Variants in FNIP1 observed in about 807,000 individuals in gnomAD.
FNIP1 encodes the protein folliculin-interacting protein 1.
A neutral mutation model predicts 124.5 loss-of-function variants in FNIP1; 40 were observed. The ratio of observed to expected loss-of-function variants is 0.32; its 90% confidence interval spans 0.25 to 0.42. The LOEUF is 0.42. Ranked by LOEUF, FNIP1 falls within the 10% of genes least tolerant of loss-of-function variation. FNIP1 has a pLI of 1.00. For missense variants in FNIP1, 1,176 were observed against 1,403.7 expected (o/e 0.84, Z 2.59); for synonymous variants, 472 against 470.6 (o/e 1.00, Z -0.04).
At chr5:131,698,846 G>A in intron 11 of FNIP1, 71 bp downstream of exon 11, 1 of 1,325,196 alleles carries the variant, frequency 7.5e-7, no homozygotes, top group Non-Finnish European at 1.0e-6. Flanking sequence ...ATTAGAACAA[G>A]TTAAAGAAAA....
intron 1 of FNIP1, among the ~76,000 whole-genome samples, chr5:131,790,770 A>C: frequency 6.6e-6 from 1 of 152,210 alleles, no homozygotes; most frequent in East Asian, 1.9e-4. Context: ...AGGAAGTAGT[A>C]ATTAGAATAA....
Position 131,796,811 on chromosome 5 carries a change from C to A in FNIP1, c.92+19G>T. 6.4e-7 allele frequency: 1 copy of A among 1,562,008 alleles called. No homozygotes were observed. The highest frequency in any genetic ancestry group is 2.4e-5 in the East Asian group (1 of 42,098). The stretch of plus-strand genomic sequence containing the variant: ...CACAAGGCCATCGGCTCCGCGACCC[C>A]CGCCCCACAGCGCCCTACCTGAACC... On this transcript the variant is annotated intron_variant, in intron 1 of 17. Transcript: ENST00000510461.
At position 131,706,015 on chromosome 5, in the gene FNIP1, G is replaced by C. The variant is rs748162451; in HGVS notation, c.914+396C>G. Among the ~76,000 whole-genome samples, 70 of 152,124 alleles carry C rather than the reference G, an allele frequency of 4.6e-4. 1 individual carries two copies. The highest frequency in any genetic ancestry group is 2.0e-4 in the Admixed American group (3 of 15,274). ...AGACACAAAAGGACAAGCAGTGTAT[G>C]ATTTCATTCATACAAGGTATGAATG... On this transcript the variant is annotated intron_variant, in intron 9 of 17. Coordinates refer to ENST00000510461, the MANE Select transcript of FNIP1 (RefSeq NM_133372.3).
intron 16 of FNIP1, among the ~76,000 whole-genome samples, chr5:131,648,282 T>G (rs1316036535): frequency 6.6e-6 from 1 of 150,468 alleles, no homozygotes; most frequent in African/African-American, 2.4e-5. Flanking sequence ...TGATTACTAC[T>G]GCAATTCAGC....
chr5:131,647,599 G>A (rs1580723642), intron 16 of FNIP1, among the ~76,000 whole-genome samples: 1 of 151,996 alleles, frequency 6.6e-6, no homozygotes, highest in East Asian at 1.9e-4. Flanking sequence ...TCAGTCTCCT[G>A]AGTAGCTGGG....
intron 17 of FNIP1, among the ~76,000 whole-genome samples, chr5:131,645,513 A>G (rs1402505424): frequency 6.6e-6 from 1 of 152,002 alleles, no homozygotes; most frequent in African/African-American, 2.4e-5. Context: ...ATAAAATCAG[A>G]TACCATTTTT....
At chr5:131,721,620 A>G (rs970220866) in intron 3 of FNIP1, among the ~76,000 whole-genome samples, 2 of 152,160 alleles carry the variant, frequency 1.3e-5, no homozygotes, top group African/African-American at 4.8e-5. Flanking sequence ...AACATGGTGA[A>G]ACCCCATCTC....
intron 6 of FNIP1, among the ~76,000 whole-genome samples, chr5:131,714,871 T>C (rs765453221): frequency 1.6e-4 from 24 of 152,316 alleles, no homozygotes; most frequent in Admixed American, 7.2e-4. Context: ...TATAAATCCA[T>C]TGAGGCAGGA....
At chr5:131,676,308 C>T (rs1296784054) in intron 13 of FNIP1, among the ~76,000 whole-genome samples, 1 of 152,040 alleles carries the variant, frequency 6.6e-6, no homozygotes, top group Non-Finnish European at 1.5e-5. Context: ...CCACTGCACC[C>T]AGCCATTGTT....
At chr5:131,648,427 A>G in intron 16 of FNIP1, among the ~76,000 whole-genome samples, 1 of 152,150 alleles carries the variant, frequency 6.6e-6, no homozygotes. Context: ...AGGAAAAAAC[A>G]GAAGTTTCAG....
At chr5:131,734,094 T>C (rs1770199861) in intron 2 of FNIP1, among the ~76,000 whole-genome samples, 2 of 152,220 alleles carry the variant, frequency 1.3e-5, no homozygotes, top group South Asian at 4.1e-4. Flanking sequence ...CCATTTCTTC[T>C]AGATTTTCTA....
intron 3 of FNIP1, among the ~76,000 whole-genome samples, chr5:131,720,624 G>C (rs1029372282): frequency 1.3e-5 from 2 of 152,134 alleles, no homozygotes; most frequent in African/African-American, 4.8e-5. Flanking sequence ...TATCTGATAA[G>C]GGATTTGGCT....
intron 1 of FNIP1, among the ~76,000 whole-genome samples, chr5:131,785,333 C>T (rs1257057095): frequency 6.6e-6 from 1 of 151,418 alleles, no homozygotes; most frequent in Non-Finnish European, 1.5e-5. Flanking sequence ...GGCAGGTGGA[C>T]TGCTTGAGGT....
intron 10 of FNIP1, among the ~76,000 whole-genome samples, chr5:131,701,577 C>T (rs1267160189): frequency 6.6e-6 from 1 of 152,108 alleles, no homozygotes; most frequent in Non-Finnish European, 1.5e-5. Context: ...AAATGTATTG[C>T]TAATGAACTA....
chr5:131,740,458 C>G (rs1770476822), intron 2 of FNIP1, among the ~76,000 whole-genome samples: 1 of 152,142 alleles, frequency 6.6e-6, no homozygotes, highest in Non-Finnish European at 1.5e-5. Flanking sequence ...ACAACTTTAT[C>G]CTTGTTTAGA....
intron 11 of FNIP1, among the ~76,000 whole-genome samples, chr5:131,692,000 A>G (rs2149525478): frequency 6.6e-6 from 1 of 152,302 alleles, no homozygotes; most frequent in Middle Eastern, 3.4e-3. Context: ...TCATACTGGA[A>G]GTTATAGCTA....
At chr5:131,772,774 T>C (rs569288721) in intron 1 of FNIP1, among the ~76,000 whole-genome samples, 350 of 152,288 alleles carry the variant, frequency 2.3e-3, no homozygotes, top group Non-Finnish European at 4.1e-3. Flanking sequence ...TCTGCTACCA[T>C]CATGACCCTG....
At chr5:131,786,145 A>C (rs1772209164) in intron 1 of FNIP1, among the ~76,000 whole-genome samples, 1 of 152,242 alleles carries the variant, frequency 6.6e-6, no homozygotes, top group Non-Finnish European at 1.5e-5. Context: ...TAGGCAAGCA[A>C]CACAAAACAG....
intron 3 of FNIP1, among the ~76,000 whole-genome samples, chr5:131,722,110 A>C (rs1218626074): frequency 6.6e-6 from 1 of 152,224 alleles, no homozygotes; most frequent in Non-Finnish European, 1.5e-5. Flanking sequence ...TTATGGTTGA[A>C]GTAGCAATTT....
Sources: gnomAD v4.1 joint callset for allele counts (sites outside exome capture counted in the v4.1 genomes callset) on GRCh38, gnomAD v4.1.1 for gene constraint, MANE v1.5 for transcripts, NCBI Gene and HGNC (gene_info 2026-07-23, HGNC 2026-07-21) for gene names.